ZNF317: variants seen among roughly 807,000 people sequenced by gnomAD.
ZNF317 encodes KRAB-containing zinc finger protein 317.
In ZNF317, 17 loss-of-function variants were observed where a neutral mutation model predicts 23.4. That is an observed-to-expected ratio of 0.73 (90% CI 0.50 to 1.09). ZNF317 has a LOEUF of 1.09. Ranked by LOEUF, ZNF317 falls within the 50% of genes least tolerant of loss-of-function variation. The pLI is 0.00. For missense variants in ZNF317, 679 were observed against 796.7 expected (o/e 0.85, Z 1.78); for synonymous variants, 317 against 314.9 (o/e 1.01, Z -0.07).
At position 9,156,636 on chromosome 19, in the gene ZNF317, G is replaced by A. The variant is rs758319274; in HGVS notation, c.50G>A (p.Cys17Tyr). ...GCCACGTCCACCCAGGATTCCACCT[G>A]TCTCCAGGACTCAGAATTTCCTGTT... The part of the protein sequence containing the change: ...TFATSTQDST[C>Y]LQDSEFPVSS... The change falls in exon 3 of 7, where the codon TGT becomes TAT. Residue 17 changes from cysteine (C) to tyrosine (Y), a missense_variant. Transcript: ENST00000247956. The A allele has an allele frequency of 6.2e-7, 1 of 1,614,096 alleles. No homozygotes were observed. The highest frequency in any genetic ancestry group is 1.1e-5 in the South Asian group (1 of 91,074).
intron 1 of ZNF317, among the ~76,000 whole-genome samples, chr19:9,145,453 CG>C (rs2050674830): frequency 6.6e-6 from 1 of 152,120 alleles, no homozygotes; most frequent in African/African-American, 2.4e-5. Flanking sequence ...GAGATATTTA[CG>C]GTGTGTTTTA....
intron 1 of ZNF317, among the ~76,000 whole-genome samples, chr19:9,141,531 A>G (rs1184975955): frequency 3.3e-5 from 5 of 152,196 alleles, no homozygotes; most frequent in African/African-American, 4.8e-5. Flanking sequence ...CTTTTTCTGT[A>G]TTGATTCAAG....
intron 1 of ZNF317, among the ~76,000 whole-genome samples, chr19:9,155,677 G>A (rs1462222901): frequency 6.6e-6 from 1 of 152,184 alleles, no homozygotes; most frequent in African/African-American, 2.4e-5. Context: ...GTTTAACAGA[G>A]TTGTACTTGG....
rs568169657 is a variant in ZNF317, at chr19:9,161,543, A to G, written c.*110A>G. The G allele has an allele frequency of 1.8e-5, 26 of 1,466,882 alleles. No homozygotes were observed. The East Asian group carries it at 5.9e-4, about 34-fold the overall frequency. The allele number at this position is 1,466,882 out of a possible 1,614,324, so 90.9% of individuals were successfully genotyped here. On this transcript the variant is annotated 3_prime_UTR_variant, in exon 7 of 7. Coordinates refer to ENST00000247956, the MANE Select transcript of ZNF317 (RefSeq NM_020933.5). The surrounding 1 kb of genome is among the most constrained non-coding windows in gnomAD (Gnocchi z 4.0). Reference sequence around the variant, plus strand: ...TTACTGGGTGCAAAAGAATCCACGGAACTTGGGAGAAGTCCAGTTCCTGTA... The same window carrying G: ...TTACTGGGTGCAAAAGAATCCACGGGACTTGGGAGAAGTCCAGTTCCTGTA...
intron 1 of ZNF317, among the ~76,000 whole-genome samples, chr19:9,144,135 T>A (rs2050662221): frequency 6.6e-6 from 1 of 152,090 alleles, no homozygotes; most frequent in South Asian, 2.1e-4. Context: ...CCCAAGTAGC[T>A]GGAAGTACAG....
rs1482298712 is a variant in ZNF317 at position 9,160,412 on chromosome 19, G to T, written c.767G>T (p.Gly256Val). The change falls in exon 7 of 7, where the codon GGG (glycine) becomes GTG (valine). Residue 256 changes from glycine to valine, a missense_variant. Transcript: ENST00000247956. This position sits in a 1 kb window ranked among gnomAD's most constrained non-coding sequence, Gnocchi z 6.8. ...AAGCCTTACGAGTGCAGCGACTGCG[G>T]GAAAGCCTTCAACGACCCTTCAGCC... ...GEKPYECSDCGKAFNDPSALR... is the reference protein window; with the variant it reads ...GEKPYECSDCVKAFNDPSALR... The T allele has an allele frequency of 6.2e-7, 1 of 1,614,194 alleles. No homozygotes were observed.
chr19:9,148,108 C>T (rs1399025246), intron 1 of ZNF317, among the ~76,000 whole-genome samples: 1 of 152,162 alleles, frequency 6.6e-6, no homozygotes, highest in Admixed American at 6.5e-5. Flanking sequence ...CTTCCTGAGG[C>T]CTCCCCAGAA....
At chr19:9,147,579 C>T (rs976784880) in intron 1 of ZNF317, among the ~76,000 whole-genome samples, 30 of 152,150 alleles carry the variant, frequency 2.0e-4, no homozygotes, top group Admixed American at 8.5e-4. Context: ...CCTCATGATC[C>T]GCCTGCCTCA....
intron 1 of ZNF317, among the ~76,000 whole-genome samples, chr19:9,145,782 C>T (rs1227160630): frequency 6.6e-6 from 1 of 152,162 alleles, no homozygotes; most frequent in East Asian, 1.9e-4. Context: ...TTCCTCAACT[C>T]TTTTTCTGTG....
At chr19:9,158,363 CTTTTTTTTTTTTT>C (rs200591339) in intron 5 of ZNF317, among the ~76,000 whole-genome samples, 2 of 76,496 alleles carry the variant, frequency 2.6e-5, no homozygotes, top group Admixed American at 1.8e-4. Flanking sequence ...TTTCTTTTTT[CTTTTTTTTTTTTT>C]TTTTTTTTTT....
chr19:9,154,051 C>T (rs1568313151), intron 1 of ZNF317, among the ~76,000 whole-genome samples: 2 of 152,034 alleles, frequency 1.3e-5, no homozygotes, highest in Non-Finnish European at 2.9e-5. Flanking sequence ...AAAGGAGAGC[C>T]AGGTAGTGCG....
Position 9,147,330 on chromosome 19 carries a change from G to GTTTTTTTTTTT in ZNF317, c.-93+6755_-93+6765dup, listed in dbSNP as rs35259257. 1.5e-4 allele frequency among the ~76,000 whole-genome samples: 17 copies of GTTTTTTTTTTT among 110,170 alleles called. 2 individuals are homozygous for GTTTTTTTTTTT. The highest frequency in any genetic ancestry group is 6.6e-4 in the African/African-American group (17 of 25,588). 72.3% of individuals were successfully genotyped at this position (110,170 alleles called of 152,430 possible). A position where few individuals can be genotyped will look rare whatever the true frequency, so the allele number is the denominator to read the frequency against. On this transcript the variant is annotated intron_variant, in intron 1 of 6. Transcript: ENST00000247956. ...TGGTGACAGCATTCCAATGACACTG[G>GTTTTTTTTTTT]TTTTTTTTTTTTTTTTTTTTTTTTT...
chr19:9,148,949 C>T (rs2050712288), intron 1 of ZNF317, among the ~76,000 whole-genome samples: 1 of 152,164 alleles, frequency 6.6e-6, no homozygotes, highest in Non-Finnish European at 1.5e-5. Context: ...GCTTCCTGCT[C>T]ATCATCTATG....
In ZNF317 at chr19:9,157,986, A is replaced by G; in HGVS notation, c.296A>G (p.Gln99Arg). ...GTCTTTCCCGTGAGTGTAGGGTATC[A>G]GGTCGGCAAACCCAGCCTCATCTCA... Reference protein sequence around the residue: ...NYSNLTSLGYQVGKPSLISHL... With the variant: ...NYSNLTSLGYRVGKPSLISHL... Residue 99 changes from glutamine to arginine, a missense_variant, in exon 5 of 7, where the codon CAG becomes CGG. Transcript: ENST00000247956. The G allele has an allele frequency of 6.4e-7, 1 of 1,551,404 alleles. No individual in the cohort carries two copies. Among genetic ancestry groups the G allele is most frequent in the Non-Finnish European group, 8.7e-7 (1 of 1,146,846 alleles).
At position 9,160,668 on chromosome 19, in the gene ZNF317, A is replaced by G; in HGVS notation, c.1023A>G (p.Lys341=). The change falls in exon 7 of 7, where the codon AAA becomes AAG. Residue 341 remains lysine (K), a synonymous_variant. Transcript: ENST00000247956. The surrounding 1 kb of genome is among the most constrained non-coding windows in gnomAD (Gnocchi z 6.8). The part of the protein sequence containing the change: ...ERPYECHDCG[K]AFQHPSHLKE... ...CCTACGAGTGTCACGACTGTGGGAA[A>G]GCTTTCCAGCACCCCTCCCACCTCA... 3.1e-6 allele frequency: 5 copies of G among 1,614,160 alleles called. No homozygotes were observed. Among genetic ancestry groups the G allele is most frequent in the Non-Finnish European group, 3.4e-6 (4 of 1,180,034 alleles).
At chr19:9,142,685 G>A (rs1400932072) in intron 1 of ZNF317, among the ~76,000 whole-genome samples, 1 of 151,720 alleles carries the variant, frequency 6.6e-6, no homozygotes, top group Admixed American at 6.6e-5. Context: ...GTACTGCTGT[G>A]TAACAAATTA....
At chr19:9,141,847 G>T (rs1477878240) in intron 1 of ZNF317, among the ~76,000 whole-genome samples, 2 of 152,016 alleles carry the variant, frequency 1.3e-5, no homozygotes, top group Admixed American at 6.6e-5. Flanking sequence ...CACCCTTGTA[G>T]CCCAGACTGG....
rs371384823 is a variant in ZNF317 at position 9,156,062 on chromosome 19, G to A, written c.25+21G>A. On this transcript the variant is annotated intron_variant, in intron 2 of 6. Coordinates refer to ENST00000247956, the MANE Select transcript of ZNF317 (RefSeq NM_020933.5). ...ATTTGGTAAGTTCTTGGGTCAGTGCGTGCCCTGAGAAAGTGAGTGCAAGTG... is the reference window on the plus strand; with the variant it reads ...ATTTGGTAAGTTCTTGGGTCAGTGCATGCCCTGAGAAAGTGAGTGCAAGTG... 338 of 1,614,028 alleles carry A rather than the reference G, an allele frequency of 2.1e-4. 2 individuals are homozygous for A. The highest frequency in any genetic ancestry group is 2.4e-4 in the African/African-American group (18 of 75,038).
chr19:9,147,910 A>C (rs1392791332), intron 1 of ZNF317, among the ~76,000 whole-genome samples: 1 of 151,992 alleles, frequency 6.6e-6, no homozygotes, highest in Non-Finnish European at 1.5e-5. Flanking sequence ...CGATTGGATC[A>C]GGGGGGCAGA....
Sources: gnomAD v4.1 joint callset for allele counts (sites outside exome capture counted in the v4.1 genomes callset) on GRCh38, gnomAD v4.1.1 for gene constraint, Gnocchi (gnomAD v3.1) non-coding constraint, MANE v1.5 for transcripts, NCBI Gene and HGNC (gene_info 2026-07-23, HGNC 2026-07-21) for gene names.